RARB: variants seen among roughly 807,000 people sequenced by gnomAD.
RARB encodes HBV-activated protein.
A neutral mutation model predicts 51.9 loss-of-function variants in RARB; 17 were observed. The ratio of observed to expected loss-of-function variants is 0.33; its 90% CI spans 0.22 to 0.49. The LOEUF is 0.49. RARB is among the 20% of genes least tolerant of loss of function. The probability of loss-of-function intolerance (pLI) is 0.99; values close to 1 mark genes in which losing one functional copy is unlikely to be tolerated. For missense variants in RARB, 369 were observed against 550.8 expected (o/e 0.67, Z 3.30); for synonymous variants, 215 against 195.4 (o/e 1.10, Z -0.84).
At chr3:25,123,441 G>T (rs1163257664) in intron 3 of RARB, among the ~76,000 whole-genome samples, 1 of 152,156 alleles carries the variant, frequency 6.6e-6, no homozygotes, top group Non-Finnish European at 1.5e-5. Context: ...TACACCCAGT[G>T]TTCTTCACTA....
chr3:25,276,755 T>C (rs1280771300), intron 5 of RARB, among the ~76,000 whole-genome samples: 1 of 152,188 alleles, frequency 6.6e-6, no homozygotes, highest in African/African-American at 2.4e-5. Context: ...AAGAGCACAG[T>C]CCTTGGTAGT....
chr3:25,005,051 T>C (rs545104125), intron 2 of RARB, among the ~76,000 whole-genome samples: 28 of 152,272 alleles, frequency 1.8e-4, no homozygotes, highest in African/African-American at 6.7e-4. Context: ...TTCAGAATTT[T>C]GGTAAAGCTA....
intron 3 of RARB, among the ~76,000 whole-genome samples, chr3:25,558,224 T>C (rs534952467): frequency 1.3e-5 from 2 of 152,314 alleles, no homozygotes; most frequent in Non-Finnish European, 2.9e-5. Context: ...GGACTTTATC[T>C]GGCCTCCTCT....
intron 5 of RARB, among the ~76,000 whole-genome samples, chr3:25,193,657 G>T (rs1701158504): frequency 6.6e-6 from 1 of 151,864 alleles, no homozygotes; most frequent in South Asian, 2.1e-4. Flanking sequence ...TATATTCTTT[G>T]CTAGCAGCTG....
chr3:25,500,610 C>T (rs1333886086), intron 2 of RARB, among the ~76,000 whole-genome samples: 1 of 151,636 alleles, frequency 6.6e-6, no homozygotes, highest in Non-Finnish European at 1.5e-5. Flanking sequence ...CTCCCAAGGG[C>T]TGGGATTACA....
intron 3 of RARB, among the ~76,000 whole-genome samples, chr3:25,552,264 G>A (rs1699880615): frequency 6.6e-6 from 1 of 152,146 alleles, no homozygotes; most frequent in African/African-American, 2.4e-5. Context: ...GGCTGGGCAA[G>A]GGAAAGTCAG....
chr3:25,072,300 C>T (rs930336855), intron 3 of RARB, among the ~76,000 whole-genome samples: 5 of 152,148 alleles, frequency 3.3e-5, no homozygotes, highest in African/African-American at 1.2e-4. Context: ...AATAAGGACA[C>T]GTTCTGGAGA....
chr3:25,453,980 G>GGATGCGATTCACA (rs778952274), intron 1 of RARB, among the ~76,000 whole-genome samples: 9 of 152,198 alleles, frequency 5.9e-5, no homozygotes, highest in African/African-American at 9.7e-5. Context: ...ACCTAATTCA[G>GGATGCGATTCACA]GATGCGATTC....
In RARB at chr3:25,201,485, A is replaced by G. The variant is rs570314812; in HGVS notation, c.178+26910A>G. The stretch of plus-strand genomic sequence containing the variant: ...ACACTGTGTTGCATAGGAGTGGTGA[A>G]AGAGGGCATCCCTGTCTTGTGCCAG... On this transcript the variant is annotated intron_variant, in intron 5 of 11. Coordinates refer to the RARB transcript ENST00000383772. Among the ~76,000 whole-genome samples the G allele has an allele frequency of 3.5e-3, 531 of 152,184 alleles. 2 individuals are homozygous for G. The highest frequency in any genetic ancestry group is 4.2e-3 in the Admixed American group (64 of 15,260).
intron 3 of RARB, among the ~76,000 whole-genome samples, chr3:25,106,464 T>TTTTC (rs1699505276): frequency 8.1e-6 from 1 of 122,788 alleles, no homozygotes; most frequent in African/African-American, 3.3e-5. Flanking sequence ...TTTTGTTTTT[T>TTTTC]TTTGTTTTGT....
At chr3:25,434,811 A>G (rs1326148416) in intron 1 of RARB, among the ~76,000 whole-genome samples, 1 of 151,890 alleles carries the variant, frequency 6.6e-6, no homozygotes, top group African/African-American at 2.4e-5. Flanking sequence ...AAGTGCTGAG[A>G]TTACAGGCGT....
intron 2 of RARB, among the ~76,000 whole-genome samples, chr3:25,475,541 T>C (rs1418559828): frequency 6.6e-6 from 1 of 152,192 alleles, no homozygotes; most frequent in African/African-American, 2.4e-5. Context: ...AGAATTTATA[T>C]AGGAAAGAAA....
At chr3:25,392,262 A>G (rs1392818525) in intron 5 of RARB, among the ~76,000 whole-genome samples, 1 of 152,176 alleles carries the variant, frequency 6.6e-6, no homozygotes, top group Non-Finnish European at 1.5e-5. Flanking sequence ...CTACTTTTAT[A>G]CCAGTACCAT....
intron 4 of RARB, among the ~76,000 whole-genome samples, chr3:25,580,266 T>TG (rs1701115604): frequency 6.6e-6 from 1 of 152,138 alleles, no homozygotes; most frequent in Admixed American, 6.5e-5. Flanking sequence ...CCCAGCTACT[T>TG]GGGAAGCTGA....
chr3:24,906,713 C>T (rs776589910), intron 2 of RARB, among the ~76,000 whole-genome samples: 13 of 151,630 alleles, frequency 8.6e-5, no homozygotes, highest in Admixed American at 6.6e-5. Flanking sequence ...GGCATGGTGG[C>T]GGGTGCCTGC....
chr3:25,293,854 C>T (rs867336262), intron 5 of RARB, among the ~76,000 whole-genome samples: 1 of 152,116 alleles, frequency 6.6e-6, no homozygotes, highest in East Asian at 1.9e-4. Flanking sequence ...AACCTAGTTG[C>T]ATTTTTGAAA....
At chr3:24,889,993 T>C (rs1703346546) in intron 2 of RARB, among the ~76,000 whole-genome samples, 1 of 152,004 alleles carries the variant, frequency 6.6e-6, no homozygotes, top group Non-Finnish European at 1.5e-5. Context: ...GTATGGCACA[T>C]TCATTATTCT....
intron 2 of RARB, among the ~76,000 whole-genome samples, chr3:24,928,097 A>G (rs1263892340): frequency 6.6e-6 from 1 of 152,060 alleles, no homozygotes; most frequent in Non-Finnish European, 1.5e-5. Context: ...TAGAAAATCA[A>G]TTCACAAAAG....
At chr3:24,866,525 T>C (rs1451086449) in intron 2 of RARB, among the ~76,000 whole-genome samples, 2 of 152,126 alleles carry the variant, frequency 1.3e-5, no homozygotes, top group Admixed American at 6.5e-5. Context: ...GTTTAAGAAA[T>C]AGGCTTCGTG....
Sources: allele counts gnomAD v4.1 joint callset (sites outside exome capture counted in the v4.1 genomes callset), GRCh38; gene constraint gnomAD v4.1.1; transcripts MANE v1.5; gene names NCBI Gene and HGNC (gene_info 2026-07-23, HGNC 2026-07-21).